CPSF2: variants seen among roughly 807,000 people sequenced by gnomAD.
The protein encoded by CPSF2 is cleavage and polyadenylation specific factor 2, also known as cleavage and polyadenylation specificity factor subunit 2.
CPSF2 carries 51 observed loss-of-function variants against 84.2 expected under a neutral mutation model. The observed-to-expected ratio is 0.61, with a 90% CI of 0.48 to 0.77. The LOEUF (loss-of-function observed/expected upper bound fraction) is 0.77. Ranked by LOEUF, CPSF2 falls within the 30% of genes least tolerant of loss-of-function variation. CPSF2 has a pLI of 0.00. For synonymous variants in CPSF2, 286 were observed against 311.9 expected (o/e 0.92, Z 0.87); for missense variants, 641 against 929.4 (o/e 0.69, Z 4.03).
At chr14:92,156,677 T>A in intron 12 of CPSF2, 46 bp downstream of exon 12, 3 of 1,362,260 alleles carry the variant, frequency 2.2e-6, no homozygotes, top group Non-Finnish European at 3.0e-6. Flanking sequence ...AAGATAAAAT[T>A]TCAAGCATTT....
At chr14:92,156,657 A>G in intron 12 of CPSF2, 26 bp downstream of exon 12, 1 of 1,446,164 alleles carries the variant, frequency 6.9e-7, no homozygotes, top group Non-Finnish European at 9.4e-7. Flanking sequence ...ACATTTTGAA[A>G]ATAGATTATA....
At position 92,161,087 on chromosome 14, in the gene CPSF2, T is replaced by A. The variant is rs766901206; in HGVS notation, c.2122-25T>A. The stretch of plus-strand genomic sequence containing the variant: ...TGTCTGGTGTTTTACTTGAAGTTAT[T>A]CTTTCCCCTTTGACCTTATCTAAGG... On this transcript the variant is annotated intron_variant, in intron 14 of 15. Transcript: ENST00000298875. 9.9e-6 allele frequency: 16 copies of A among 1,609,814 alleles called. No homozygotes were observed. The South Asian group carries it at 1.7e-4, about 17-fold the overall frequency.
chr14:92,169,649 A>ATTTTTT lies in CPSF2; in HGVS notation c.*7922_*7927dup, dbSNP rs3031765. The ATTTTTT allele has an allele frequency of 7.9e-6, 1 of 126,962 alleles. No individual in the cohort carries two copies. Among genetic ancestry groups the ATTTTTT allele is most frequent in the Non-Finnish European group, 1.6e-5 (1 of 61,328 alleles). 7.9% of individuals were successfully genotyped at this position (126,962 alleles called of 1,614,324 possible). On this transcript the variant is annotated 3_prime_UTR_variant, in exon 16 of 16. Transcript: ENST00000298875. ...ATTCTTAAGGTTTTTCTTATATGTG[A>ATTTTTT]TTTTTTTTTTTTTTTTTTTTTTGAG...
chr14:92,149,310 G>A (rs934221146), intron 9 of CPSF2, among the ~76,000 whole-genome samples: 2 of 152,138 alleles, frequency 1.3e-5, no homozygotes, highest in African/African-American at 2.4e-5. Context: ...GAGGCTGGGC[G>A]TCATGGCCCA....
chr14:92,141,108 A>T (rs1007942421), intron 7 of CPSF2, among the ~76,000 whole-genome samples: 3 of 152,214 alleles, frequency 2.0e-5, no homozygotes, highest in Non-Finnish European at 2.9e-5. Context: ...TATGTATCAT[A>T]CATAGTTGGC....
At chr14:92,135,225 CTTTCACTATATGCAT>C in intron 5 of CPSF2, 127 bp from the exon 6 acceptor site, 2 of 642,224 alleles carry the variant, frequency 3.1e-6, no homozygotes, top group South Asian at 6.5e-5. Flanking sequence ...GTGAAGCCTG[CTTTCACTATATGCAT>C]TTTTACTTTT....
intron 10 of CPSF2, 120 bp downstream of exon 10, chr14:92,154,578 A>T (rs964580864): frequency 4.7e-6 from 3 of 635,818 alleles, no homozygotes; most frequent in Non-Finnish European, 8.0e-6. Flanking sequence ...TTTGTTACAG[A>T]CATCTTTCAA....
In CPSF2 at chr14:92,157,490, G is replaced by A. The variant is rs562961604; in HGVS notation, c.1596-169G>A. ...CTACTGCACTCTAGCCTGGGCAAAA[G>A]AGCGAGACCCAATCTCAGAAAAATA... On this transcript the variant is annotated intron_variant, in intron 12 of 15. Transcript: ENST00000298875. The surrounding 1 kb of genome is among the most constrained non-coding windows in gnomAD (Gnocchi z 4.0). 1.3e-5 allele frequency among the ~76,000 whole-genome samples: 2 copies of A among 152,222 alleles called. No individual in the cohort carries two copies. The highest frequency in any genetic ancestry group is 2.9e-5 in the Non-Finnish European group (2 of 68,020).
intron 7 of CPSF2, among the ~76,000 whole-genome samples, chr14:92,139,539 C>CTT (rs751552254): frequency 1.3e-4 from 18 of 136,626 alleles, no homozygotes; most frequent in East Asian, 2.1e-4. Context: ...ATCTTACATT[C>CTT]TTTTTTTTTT....
At chr14:92,133,965 C>A (rs768933240) in intron 3 of CPSF2, 46 bp from the exon 4 acceptor site, 2 of 1,595,456 alleles carry the variant, frequency 1.3e-6, no homozygotes, top group Admixed American at 3.4e-5. Context: ...CTGTCTTTAC[C>A]CTTAAAAAGA....
At chr14:92,156,355 A>T in intron 11 of CPSF2, 124 bp from the exon 12 acceptor site, 1 of 719,812 alleles carries the variant, frequency 1.4e-6, no homozygotes, top group Non-Finnish European at 2.2e-6. Context: ...TCAGCTTTGG[A>T]TGAAATGTAT....
chr14:92,146,542 A>G (rs2069146994), intron 9 of CPSF2, among the ~76,000 whole-genome samples: 1 of 152,070 alleles, frequency 6.6e-6, no homozygotes, highest in Admixed American at 6.5e-5. Context: ...AAAAACACAT[A>G]CAGTTCACTC....
intron 7 of CPSF2, among the ~76,000 whole-genome samples, chr14:92,141,516 C>T (rs569763241): frequency 5.0e-4 from 76 of 152,144 alleles, no homozygotes; most frequent in Non-Finnish European, 8.4e-4. Flanking sequence ...TTTATAGAGA[C>T]GGGATCTCCC....
rs2068772582 is a variant in CPSF2, at chr14:92,121,975, CT to C, written c.-246del. On this transcript the variant is annotated 5_prime_UTR_variant, in exon 1 of 16. Transcript: ENST00000298875. ...GTTCCTCCTCGTCTCCGCCGCTAGT[CT>C]CCAGCTCCAAAATGGCGGCTGCCAC... 1.7e-5 allele frequency: 13 copies of C among 768,898 alleles called. No homozygotes were observed. The South Asian group carries it at 2.2e-4, about 13-fold the overall frequency. The allele number at this position is 768,898 out of a possible 1,614,324, so 47.6% of individuals were successfully genotyped here.
intron 9 of CPSF2, among the ~76,000 whole-genome samples, chr14:92,145,115 G>C (rs375781308): frequency 1.3e-5 from 2 of 152,184 alleles, no homozygotes; most frequent in East Asian, 3.8e-4. Context: ...TAGTGGGATG[G>C]TTAATAACTG....
chr14:92,144,212 A>T (rs1336629837), intron 9 of CPSF2, among the ~76,000 whole-genome samples: 1 of 152,122 alleles, frequency 6.6e-6, no homozygotes, highest in Non-Finnish European at 1.5e-5. Context: ...CTTCCTGTCC[A>T]CTTGTGTTCA....
At chr14:92,161,282 A>G (rs1480678010) in intron 15 of CPSF2, 36 bp downstream of exon 15, 2 of 1,565,704 alleles carry the variant, frequency 1.3e-6, no homozygotes, top group Non-Finnish European at 1.7e-6. Flanking sequence ...AATTGAACAC[A>G]TACGTCTGAT....
chr14:92,138,579 A>G (rs1350325434), intron 7 of CPSF2, among the ~76,000 whole-genome samples: 2 of 151,884 alleles, frequency 1.3e-5, no homozygotes, highest in Non-Finnish European at 2.9e-5. Flanking sequence ...ACAGGTGTGC[A>G]CCACCACGCC....
chr14:92,133,847 A>G (rs865778287), intron 3 of CPSF2, among the ~76,000 whole-genome samples, 164 bp from the exon 4 acceptor site: 2 of 152,332 alleles, frequency 1.3e-5, no homozygotes, highest in Non-Finnish European at 2.9e-5. Flanking sequence ...TGGAGAGCAC[A>G]GGTAGTAATA....
Sources: allele counts gnomAD v4.1 joint callset (sites outside exome capture counted in the v4.1 genomes callset), GRCh38; gene constraint gnomAD v4.1.1; non-coding constraint Gnocchi (gnomAD v3.1); transcripts MANE v1.5; gene names NCBI Gene and HGNC (gene_info 2026-07-23, HGNC 2026-07-21).